MAPT: variants seen among roughly 807,000 people sequenced by gnomAD.
MAPT encodes microtubule-associated protein tau.
A neutral mutation model predicts 67.9 loss-of-function variants in MAPT; 34 were observed. That is an observed-to-expected ratio of 0.50 (90% CI 0.38 to 0.67). The LOEUF (loss-of-function observed/expected upper bound fraction) is 0.67, where lower values mean the gene tolerates loss of function less well. Ranked by LOEUF, MAPT falls within the 30% of genes least tolerant of loss-of-function variation. The pLI is 0.00. For missense variants in MAPT, 881 were observed against 1,115.2 expected, an observed-to-expected ratio of 0.79 and a Z score of 2.99; for synonymous variants, 456 against 464.5, an observed-to-expected ratio of 0.98 and a Z score of 0.23.
chr17:45,930,683 A>C (rs1170176665), intron 1 of MAPT, among the ~76,000 whole-genome samples: 1 of 152,184 alleles, frequency 6.6e-6, no homozygotes, highest in Non-Finnish European at 1.5e-5. Context: ...TTAATTTTTT[A>C]ATTTCTAAGA....
intron 1 of MAPT, among the ~76,000 whole-genome samples, chr17:45,904,124 A>G (rs1458200370): frequency 3.2e-5 from 1 of 31,188 alleles, no homozygotes; most frequent in Non-Finnish European, 6.0e-5. Flanking sequence ...ATTATATATT[A>G]TATATTATAT....
rs2146013999 is a variant in MAPT, at chr17:46,010,074, C to T, written c.1999-236C>T. Reference sequence around the variant, plus strand: ...CGTAAAGCCCGCTGGAAATCACTCACACTTCTGGGATGCCTTCAGAGCAGC... The same window carrying T: ...CGTAAAGCCCGCTGGAAATCACTCATACTTCTGGGATGCCTTCAGAGCAGC... On this transcript the variant is annotated intron_variant, in intron 9 of 12. Coordinates refer to ENST00000262410, the MANE Select transcript of MAPT (RefSeq NM_001377265.1). This position sits in a 1 kb window ranked among gnomAD's most constrained non-coding sequence, Gnocchi z 4.7. Among the ~76,000 whole-genome samples, 1 of 152,324 alleles carries T rather than the reference C, an allele frequency of 6.6e-6. No individual in the cohort carries two copies.
chr17:45,911,368 G>A (rs1054454948), intron 1 of MAPT, among the ~76,000 whole-genome samples: 4 of 152,222 alleles, frequency 2.6e-5, no homozygotes, highest in Admixed American at 1.3e-4. Context: ...GAGTGGCTGC[G>A]CCTGTAGTCC....
Position 45,912,623 on chromosome 17 carries a change from G to A in MAPT, c.-18+17937G>A, listed in dbSNP as rs542233185. Among the ~76,000 whole-genome samples, 4 of 152,290 alleles carry A rather than the reference G, an allele frequency of 2.6e-5. No individual in the cohort carries two copies. In the East Asian group the frequency reaches 7.7e-4, roughly 29 times the overall value. On this transcript the variant is annotated intron_variant, in intron 1 of 12. Coordinates refer to ENST00000262410, the MANE Select transcript of MAPT (RefSeq NM_001377265.1). ...CTAGTGATCCTGATTTTGGACTTTG[G>A]CCTTCAGAAGTGTGAGGGAATGAAT...
intron 1 of MAPT, among the ~76,000 whole-genome samples, chr17:45,905,102 C>T (rs2064214284): frequency 6.6e-6 from 1 of 152,226 alleles, no homozygotes; most frequent in Admixed American, 6.5e-5. Flanking sequence ...TGCAGCGGCT[C>T]AGCCTCTGCC....
chr17:45,975,239 C>G (rs1463347494), intron 3 of MAPT: 1 of 152,284 alleles, frequency 6.6e-6, no homozygotes, highest in African/African-American at 2.4e-5. Flanking sequence ...AGTTGCCCAA[C>G]AAGAAATGCA....
In MAPT at chr17:46,020,589, C is replaced by T. The variant is rs935666469; in HGVS notation, c.2286+1859C>T. On this transcript the variant is annotated intron_variant, in intron 12 of 12. Coordinates refer to ENST00000262410, the MANE Select transcript of MAPT (RefSeq NM_001377265.1). ...GTCTAAAAGATAGAGGTCTGATGGA[C>T]TCACAGTTCCACGTGACTGGGGAGG... 2.5e-4 allele frequency among the ~76,000 whole-genome samples: 38 copies of T among 152,292 alleles called. No homozygotes were observed. In the East Asian group the frequency reaches 2.9e-3, roughly 12 times the overall value.
In MAPT at chr17:45,996,285, C is replaced by A; in HGVS notation, c.1733-114C>A. 8.2e-7 allele frequency: 1 copy of A among 1,217,878 alleles called. No individual in the cohort carries two copies. Among genetic ancestry groups the A allele is most frequent in the Non-Finnish European group, 1.2e-6 (1 of 837,996 alleles). 75.4% of individuals were successfully genotyped at this position (1,217,878 alleles called of 1,614,324 possible). A position where few individuals can be genotyped will look rare whatever the true frequency, so the allele number is the denominator to read the frequency against. On this transcript the variant is annotated intron_variant, in intron 8 of 12. Coordinates refer to ENST00000262410, the MANE Select transcript of MAPT (RefSeq NM_001377265.1). This position sits in a 1 kb window ranked among gnomAD's most constrained non-coding sequence, Gnocchi z 4.5. ...AGCTGCGCTTCCAACCTGGCTTCCA[C>A]CTGCCTAACCCAGTGGTGAGCCTGG...
chr17:45,939,329 A>T (rs563872009), intron 1 of MAPT, among the ~76,000 whole-genome samples: 1 of 152,336 alleles, frequency 6.6e-6, no homozygotes, highest in Non-Finnish European at 1.5e-5. Context: ...CTAAATGAGG[A>T]TACAAGTAAC....
intron 10 of MAPT, among the ~76,000 whole-genome samples, chr17:46,013,598 A>T (rs2075969116): frequency 6.6e-6 from 1 of 152,216 alleles, no homozygotes; most frequent in African/African-American, 2.4e-5. Context: ...TGTCCAGGAC[A>T]CTGAGTGTGC....
chr17:45,997,903 T>G (rs1034198462), intron 9 of MAPT, among the ~76,000 whole-genome samples: 28 of 151,248 alleles, frequency 1.9e-4, no homozygotes, highest in African/African-American at 6.6e-4. Flanking sequence ...GGGAGGGGGG[T>G]TAGGGCTTCA....
At chr17:45,999,443 C>T (rs1012416591) in intron 9 of MAPT, 1 of 1,614,054 alleles carries the variant, frequency 6.2e-7, no homozygotes, top group South Asian at 1.1e-5. Flanking sequence ...TGGGAAGTAG[C>T]TTCCCTGTTG....
At chr17:45,984,039 G>T (rs1049625997) in intron 5 of MAPT, 109 bp downstream of exon 5, 2 of 962,870 alleles carry the variant, frequency 2.1e-6, no homozygotes, top group African/African-American at 3.3e-5. Context: ...TGCTTCTGAC[G>T]TTCCTAGGAC....
chr17:45,916,663 C>T (rs2065233149), intron 1 of MAPT, among the ~76,000 whole-genome samples: 2 of 152,210 alleles, frequency 1.3e-5, no homozygotes, highest in African/African-American at 4.8e-5. Context: ...CCTGCAGGAC[C>T]TCCCTTCTCC....
In MAPT at chr17:45,987,020, C is replaced by T; in HGVS notation, c.1352-20C>T. 6.2e-7 allele frequency: 1 copy of T among 1,611,228 alleles called. No homozygotes were observed. The highest frequency in any genetic ancestry group is 8.5e-7 in the Non-Finnish European group (1 of 1,177,702). On this transcript the variant is annotated intron_variant, in intron 5 of 12. Coordinates refer to ENST00000262410, the MANE Select transcript of MAPT (RefSeq NM_001377265.1). ...GTGAAAATGGAGTGTGACAAGCATT[C>T]TTATTTTATATTTTATCAGCTCGCA...
intron 1 of MAPT, among the ~76,000 whole-genome samples, chr17:45,920,460 A>G (rs150137926): frequency 5.3e-5 from 8 of 152,320 alleles, no homozygotes; most frequent in African/African-American, 1.9e-4. Context: ...TGAGGGCCAC[A>G]CAGGGCATTG....
chr17:45,944,083 G>A (rs899854249), intron 1 of MAPT, among the ~76,000 whole-genome samples: 3 of 152,142 alleles, frequency 2.0e-5, no homozygotes, highest in South Asian at 2.1e-4. Context: ...TCAGCACCTC[G>A]CATCAGTCCA....
chr17:45,914,352 A>G (rs2065024497), intron 1 of MAPT, among the ~76,000 whole-genome samples: 1 of 152,052 alleles, frequency 6.6e-6, no homozygotes, highest in Non-Finnish European at 1.5e-5. Flanking sequence ...AGAGGCATCC[A>G]TGGGGGGACA....
intron 1 of MAPT, among the ~76,000 whole-genome samples, chr17:45,913,860 C>T (rs1468895020): frequency 6.6e-6 from 1 of 151,856 alleles, no homozygotes; most frequent in Non-Finnish European, 1.5e-5. Context: ...CTCTCACTCA[C>T]CATTGGCTCT....
Sources: gnomAD v4.1 joint callset for allele counts (sites outside exome capture counted in the v4.1 genomes callset) on GRCh38, gnomAD v4.1.1 for gene constraint, Gnocchi (gnomAD v3.1) non-coding constraint, MANE v1.5 for transcripts, NCBI Gene and HGNC (gene_info 2026-07-23, HGNC 2026-07-21) for gene names.